GJB7: variants seen among roughly 807,000 people sequenced by gnomAD.
The protein encoded by GJB7 is gap junction beta-7 protein.
For missense variants in GJB7, 253 were observed against 256.8 expected (o/e 0.99, Z 0.10); for synonymous variants, 87 against 95.2 (o/e 0.91, Z 0.50).
chr6:87,324,118 G>T (rs549218703), intron 1 of GJB7, among the ~76,000 whole-genome samples: 1 of 151,970 alleles, frequency 6.6e-6, no homozygotes, highest in East Asian at 1.9e-4. Context: ...TTTTGATGGG[G>T]TTCTTTGTTT....
intron 1 of GJB7, among the ~76,000 whole-genome samples, chr6:87,328,064 G>T (rs1776878547): frequency 1.3e-5 from 2 of 152,118 alleles, no homozygotes; most frequent in South Asian, 4.1e-4. Flanking sequence ...TGAGGCTTCT[G>T]CATTCTTCAC....
chr6:87,324,619 A>G (rs1202062960), intron 1 of GJB7, among the ~76,000 whole-genome samples: 1 of 147,532 alleles, frequency 6.8e-6, no homozygotes, highest in Admixed American at 6.8e-5. Context: ...GTTCTATTCC[A>G]TTGATCTATA....
chr6:87,292,288 G>T (rs889014221), intron 2 of GJB7, among the ~76,000 whole-genome samples: 11 of 152,182 alleles, frequency 7.2e-5, no homozygotes, highest in Non-Finnish European at 1.5e-4. Flanking sequence ...CTCTTTAAAT[G>T]ATTTTCCAAC....
At chr6:87,307,469 C>T (rs529116381) in intron 2 of GJB7, among the ~76,000 whole-genome samples, 17 of 152,238 alleles carry the variant, frequency 1.1e-4, no homozygotes, top group Middle Eastern at 6.8e-3. Flanking sequence ...TTTTTGCAAT[C>T]TAGTCATCTG....
chr6:87,314,723 TA>T (rs1321633885), intron 2 of GJB7, among the ~76,000 whole-genome samples: 3 of 152,154 alleles, frequency 2.0e-5, no homozygotes, highest in African/African-American at 7.2e-5. Flanking sequence ...CCTCCTTACT[TA>T]ACATCTCCCT....
At chr6:87,319,310 A>G (rs969317832) in intron 2 of GJB7, among the ~76,000 whole-genome samples, 14 of 152,244 alleles carry the variant, frequency 9.2e-5, no homozygotes, top group African/African-American at 3.4e-4. Flanking sequence ...TTGTATTCAT[A>G]TCCATGAAAT....
At chr6:87,325,600 A>G (rs544970615) in intron 1 of GJB7, among the ~76,000 whole-genome samples, 10,102 of 150,814 alleles carry the variant, frequency 0.067, 694 homozygotes, top group African/African-American at 0.18. Flanking sequence ...CCAGCCTTGC[A>G]TCCCAGGGAT....
At chr6:87,321,677 C>T (rs1018763556) in intron 2 of GJB7, among the ~76,000 whole-genome samples, 1 of 152,092 alleles carries the variant, frequency 6.6e-6, no homozygotes, top group Non-Finnish European at 1.5e-5. Context: ...TTAGTCTCTT[C>T]TCACACTGCT....
intron 2 of GJB7, among the ~76,000 whole-genome samples, chr6:87,317,379 CA>C (rs1436101045): frequency 5.3e-5 from 8 of 151,452 alleles, no homozygotes; most frequent in African/African-American, 1.7e-4. Context: ...AACAAACAAA[CA>C]ACAAGAAATT....
chr6:87,313,018 T>G (rs1362024480), intron 2 of GJB7, among the ~76,000 whole-genome samples: 1 of 152,224 alleles, frequency 6.6e-6, no homozygotes. Context: ...CTTTTCACTG[T>G]GCATTTTAAA....
chr6:87,304,742 A>G (rs1776394773), intron 2 of GJB7, among the ~76,000 whole-genome samples: 2 of 152,242 alleles, frequency 1.3e-5, no homozygotes, highest in African/African-American at 4.8e-5. Flanking sequence ...TTTTAGACCA[A>G]TATCCCTGAT....
At position 87,298,656 on chromosome 6, in the gene GJB7, T is replaced by C. The variant is rs539252062; in HGVS notation, c.-27-13717A>G. On this transcript the variant is annotated intron_variant, in intron 2 of 2. Transcript: ENST00000525899. ...ATTATCTAGAAAGAACTAACTTCTA[T>C]AGTGTAAAATGCATAATTTCAGCCA... 3.5e-4 allele frequency: 59 copies of C among 168,868 alleles called. 1 individual carries two copies. The highest frequency in any genetic ancestry group is 3.1e-4 in the Non-Finnish European group (24 of 78,674). 10.5% of individuals were successfully genotyped at this position (168,868 alleles called of 1,614,324 possible).
intron 2 of GJB7, among the ~76,000 whole-genome samples, chr6:87,308,759 A>G (rs1324680307): frequency 1.3e-5 from 2 of 152,178 alleles, no homozygotes; most frequent in African/African-American, 4.8e-5. Flanking sequence ...GCATATCGTG[A>G]TAAGACTACT....
chr6:87,314,792 T>C (rs1004793140), intron 2 of GJB7, among the ~76,000 whole-genome samples: 1 of 152,202 alleles, frequency 6.6e-6, no homozygotes, highest in Admixed American at 6.5e-5. Context: ...TATCTGGGAA[T>C]CCAGCTGTAA....
In GJB7 at chr6:87,284,196, G is replaced by C. The variant is rs1776017006; in HGVS notation, c.*45C>G. ...AGTGTGAAGATTCTGGAGTAGGGGA[G>C]GGGTCCCTCTCCTACCACATTCAAC... On this transcript the variant is annotated 3_prime_UTR_variant, in exon 3 of 3. Transcript: ENST00000525899. 2 of 1,478,960 alleles carry C rather than the reference G, an allele frequency of 1.4e-6. No homozygotes were observed. Among genetic ancestry groups the C allele is most frequent in the Non-Finnish European group, 1.9e-6 (2 of 1,075,132 alleles). 91.6% of individuals were successfully genotyped at this position (1,478,960 alleles called of 1,614,324 possible). A position where few individuals can be genotyped will look rare whatever the true frequency, so the allele number is the denominator to read the frequency against.
intron 2 of GJB7, among the ~76,000 whole-genome samples, chr6:87,313,193 C>T (rs1010463404): frequency 1.3e-5 from 2 of 152,068 alleles, no homozygotes; most frequent in African/African-American, 2.4e-5. Flanking sequence ...TGAGGAAAAC[C>T]TCACAAGTTT....
Position 87,284,753 on chromosome 6 carries a change from T to C in GJB7, c.160A>G (p.Asn54Asp). 1 of 1,614,172 alleles carries C rather than the reference T, an allele frequency of 6.2e-7. No homozygotes were observed. Among genetic ancestry groups the C allele is most frequent in the Non-Finnish European group, 8.5e-7 (1 of 1,180,036 alleles). The part of the protein sequence containing the change: ...WKDEQKEFEC[N>D]SRQPGCKNVC... The stretch of plus-strand genomic sequence containing the variant: ...TTTTTGCAACCGGGCTGTCTACTGT[T>C]GCACTCAAACTCTTTCTGCTCATCT... Residue 54 changes from asparagine to aspartate, a missense_variant, in exon 3 of 3, where the codon AAC (asparagine) becomes GAC (aspartate). By Grantham distance (23) the Asn-to-Asp change is conservative. Transcript: ENST00000525899.
chr6:87,294,194 C>A (rs1306184133), intron 2 of GJB7, among the ~76,000 whole-genome samples: 1 of 152,176 alleles, frequency 6.6e-6, no homozygotes, highest in Admixed American at 6.5e-5. Context: ...TACTATAAGC[C>A]TCATTCTTCT....
At chr6:87,297,548 TTAA>T (rs1416591675) in intron 2 of GJB7, among the ~76,000 whole-genome samples, 2 of 152,204 alleles carry the variant, frequency 1.3e-5, no homozygotes, top group African/African-American at 4.8e-5. Context: ...TTAAAAATTG[TTAA>T]TAATAAAAAG....
Sources: allele counts gnomAD v4.1 joint callset (sites outside exome capture counted in the v4.1 genomes callset), GRCh38; gene constraint gnomAD v4.1.1; transcripts MANE v1.5; gene names NCBI Gene and HGNC (gene_info 2026-07-23, HGNC 2026-07-21).